Variants in NETO1 observed in about 807,000 individuals in gnomAD.
NETO1 encodes the protein neuropilin and tolloid-like protein 1.
Under a neutral mutation model 61.3 loss-of-function variants are expected in NETO1, and 26 were observed. That is an observed-to-expected ratio of 0.42 (90% CI 0.31 to 0.59). NETO1 has a LOEUF of 0.59. Ranked by LOEUF, NETO1 falls within the 20% of genes least tolerant of loss-of-function variation. The pLI, the probability that NETO1 is intolerant of heterozygous loss-of-function variation, is 0.12. For synonymous variants in NETO1, 225 were observed against 225.8 expected (o/e 1.00, Z 0.03); for missense variants, 531 against 662.8 (o/e 0.80, Z 2.18).
rs185771208 is a variant in NETO1, at chr18:72,865,307, C to G, written c.29-66G>C. 459 of 1,321,230 alleles carry G rather than the reference C, an allele frequency of 3.5e-4. 1 individual carries two copies. The highest frequency in any genetic ancestry group is 1.5e-3 in the Middle Eastern group (8 of 5,460). 81.8% of individuals were successfully genotyped at this position (1,321,230 alleles called of 1,614,324 possible). A position where few individuals can be genotyped will look rare whatever the true frequency, so the allele number is the denominator to read the frequency against. Reference sequence around the variant, plus strand: ...ATGATCAAATCCCATAAAAACATAACATAATTTCAAGATAAAATAATATCA... The same window carrying G: ...ATGATCAAATCCCATAAAAACATAAGATAATTTCAAGATAAAATAATATCA... On this transcript the variant is annotated intron_variant, in intron 1 of 10. Transcript: ENST00000327305.
At chr18:72,756,285 T>G (rs1267851319) in intron 7 of NETO1, 138 bp from the exon 8 acceptor site, 8 of 541,044 alleles carry the variant, frequency 1.5e-5, no homozygotes, top group Non-Finnish European at 2.0e-5. Flanking sequence ...CGTGCGATTT[T>G]CAGAAACGGT....
At chr18:72,826,382 A>T (rs1414540330) in intron 4 of NETO1, among the ~76,000 whole-genome samples, 1 of 152,010 alleles carries the variant, frequency 6.6e-6, no homozygotes, top group East Asian at 1.9e-4. Context: ...GTAGGTTTTA[A>T]TTTCAAATGT....
At chr18:72,825,515 AGTTTCTTT>A (rs2073346659) in intron 4 of NETO1, among the ~76,000 whole-genome samples, 1 of 151,540 alleles carries the variant, frequency 6.6e-6, no homozygotes. Context: ...ATTATTTCTT[AGTTTCTTT>A]GTTTTATTTC....
intron 7 of NETO1, among the ~76,000 whole-genome samples, chr18:72,768,622 C>T (rs1031552718): frequency 2.0e-5 from 3 of 151,958 alleles, no homozygotes; most frequent in Non-Finnish European, 4.4e-5. Context: ...CAGTTAAGCC[C>T]AATGCAATAA....
intron 10 of NETO1, 54 bp downstream of exon 10, chr18:72,748,960 G>T: frequency 1.8e-6 from 2 of 1,086,080 alleles, no homozygotes; most frequent in Non-Finnish European, 2.8e-6. Context: ...CAAGACAGTT[G>T]CAACAAAACA....
intron 4 of NETO1, among the ~76,000 whole-genome samples, chr18:72,829,817 G>A (rs1190920673): frequency 6.6e-6 from 1 of 152,148 alleles, no homozygotes; most frequent in Non-Finnish European, 1.5e-5. Context: ...AGCTGCTCTT[G>A]CTTTCCTGTT....
Position 72,867,373 on chromosome 18 carries a change from G to C in NETO1, c.-82C>G. 4.3e-6 allele frequency: 5 copies of C among 1,157,262 alleles called. No homozygotes were observed. The highest frequency in any genetic ancestry group is 6.0e-6 in the Non-Finnish European group (5 of 833,018). The allele number at this position is 1,157,262 out of a possible 1,614,324, so 71.7% of individuals were successfully genotyped here. On this transcript the variant is annotated 5_prime_UTR_variant, in exon 1 of 11. Transcript: ENST00000327305. ...GACTTCCAGTGGCGGGGGGAGGACAGGGTCGAGAGGTGTTAAAGACGCAAA... is the reference window on the plus strand; with the variant it reads ...GACTTCCAGTGGCGGGGGGAGGACACGGTCGAGAGGTGTTAAAGACGCAAA...
intron 1 of NETO1, chr18:72,865,584 G>A (rs2074710464): frequency 6.2e-7 from 1 of 1,607,172 alleles, no homozygotes; most frequent in Non-Finnish European, 8.5e-7. Context: ...CTTAGGGAAT[G>A]GCTCTGCCAG....
chr18:72,799,042 A>G (rs956798306), intron 4 of NETO1, among the ~76,000 whole-genome samples: 15 of 152,242 alleles, frequency 9.9e-5, no homozygotes, highest in Admixed American at 9.8e-4. Context: ...CCATCACTTC[A>G]TCAAATGTGT....
chr18:72,830,638 G>A lies in NETO1; in HGVS notation c.469+28188C>T, dbSNP rs2073545597. ...GGTGGGGAGGGGATGGATTTCTCCA[G>A]GTTACAGGCAAAGCATATGAAAATC... On this transcript the variant is annotated intron_variant, in intron 4 of 10. Coordinates refer to ENST00000327305, the MANE Select transcript of NETO1 (RefSeq NM_138966.5). This position sits in a 1 kb window ranked among gnomAD's most constrained non-coding sequence, Gnocchi z 4.9. Among the ~76,000 whole-genome samples, 1 of 152,084 alleles carries A rather than the reference G, an allele frequency of 6.6e-6. No homozygotes were observed. The highest frequency in any genetic ancestry group is 1.5e-5 in the Non-Finnish European group (1 of 68,022).
chr18:72,793,511 T>TA (rs1257257439), intron 6 of NETO1, among the ~76,000 whole-genome samples: 2 of 152,190 alleles, frequency 1.3e-5, no homozygotes, highest in Admixed American at 1.3e-4. Flanking sequence ...GTGATCAACA[T>TA]AAAATCTAGA....
chr18:72,748,777 T>C (rs963794742), intron 10 of NETO1, among the ~76,000 whole-genome samples: 2 of 152,228 alleles, frequency 1.3e-5, no homozygotes, highest in East Asian at 1.9e-4. Context: ...CCTTCTAAAT[T>C]ACATTTTAGT....
At position 72,864,890 on chromosome 18, in the gene NETO1, T is replaced by C. The variant is rs1377129387; in HGVS notation, c.138A>G (p.Lys46=). 3 of 1,613,880 alleles carry C rather than the reference T, an allele frequency of 1.9e-6. No individual in the cohort carries two copies. The highest frequency in any genetic ancestry group is 3.3e-5 in the Admixed American group (2 of 59,962). ...QKSVQCGTWT[K]HAEGGIFTSP... Reference sequence around the variant, plus strand: ...AGGTAAAGATACCTCCCTCTGCATGTTTTGTCCAAGTTCCACACTGCACTG... The same window carrying C: ...AGGTAAAGATACCTCCCTCTGCATGCTTTGTCCAAGTTCCACACTGCACTG... The change falls in exon 3 of 11, where the codon AAA becomes AAG. Residue 46 remains lysine (K), a synonymous_variant. Coordinates refer to ENST00000327305, the MANE Select transcript of NETO1 (RefSeq NM_138966.5).
chr18:72,859,019 C>T lies in NETO1; in HGVS notation c.276G>A (p.Pro92=), dbSNP rs767291829. The part of the protein sequence containing the change: ...LYFDEKYSIE[P]SWECKFDHIE... The stretch of plus-strand genomic sequence containing the variant: ...TATGATCAAATTTGCACTCCCAAGA[C>T]GGTTCAATAGAGTACTTTTCATCAA... Residue 92 remains proline, a synonymous_variant, in exon 4 of 11, where the codon CCG becomes CCA. Coordinates refer to ENST00000327305, the MANE Select transcript of NETO1 (RefSeq NM_138966.5). 2.0e-5 allele frequency: 33 copies of T among 1,613,580 alleles called. No homozygotes were observed. The Middle Eastern group carries it at 4.9e-4, about 24-fold the overall frequency.
rs1379158761 is a variant in NETO1 at position 72,867,986 on chromosome 18, C to G, written c.-695G>C. The G allele has an allele frequency of 6.8e-6, 1 of 146,584 alleles. No individual in the cohort carries two copies. The highest frequency in any genetic ancestry group is 1.5e-5 in the Non-Finnish European group (1 of 66,610). The allele number at this position is 146,584 out of a possible 1,614,324, so 9.1% of individuals were successfully genotyped here. A position where few individuals can be genotyped will look rare whatever the true frequency, so the allele number is the denominator to read the frequency against. ...GCTGCGCGCCACCTCTGCTATCTTG[C>G]GGAAAGAGGAGCGGGTGGGTGGGCG... On this transcript the variant is annotated 5_prime_UTR_variant, in exon 1 of 11. Coordinates refer to ENST00000327305, the MANE Select transcript of NETO1 (RefSeq NM_138966.5).
chr18:72,828,512 TC>T (rs2073465648), intron 4 of NETO1, among the ~76,000 whole-genome samples: 1 of 152,158 alleles, frequency 6.6e-6, no homozygotes, highest in East Asian at 1.9e-4. Context: ...ACAAAGATAT[TC>T]AAAGTGAAAT....
intron 4 of NETO1, among the ~76,000 whole-genome samples, chr18:72,814,836 T>C (rs2072980013): frequency 6.6e-6 from 1 of 151,998 alleles, no homozygotes; most frequent in African/African-American, 2.4e-5. Context: ...ATATACCTAA[T>C]AACATAGGTA....
intron 4 of NETO1, among the ~76,000 whole-genome samples, chr18:72,844,998 C>T (rs934136664): frequency 3.9e-5 from 6 of 152,328 alleles, no homozygotes; most frequent in African/African-American, 7.2e-5. Context: ...CCCCACATTA[C>T]GCACATGCCA....
rs551490405 is a variant in NETO1 at position 72,851,422 on chromosome 18, G to A, written c.469+7404C>T. 5.4e-3 allele frequency among the ~76,000 whole-genome samples: 750 copies of A among 139,958 alleles called. 8 individuals are homozygous for A. Among genetic ancestry groups the A allele is most frequent in the African/African-American group, 0.022 (702 of 31,874 alleles). 91.8% of individuals were successfully genotyped at this position (139,958 alleles called of 152,430 possible). ...GCGAAACTCCCTCAAAACAAAAAAA[G>A]AAAAAAGAAAGAAAGAAAACAAAAT... On this transcript the variant is annotated intron_variant, in intron 4 of 10. Coordinates refer to ENST00000327305, the MANE Select transcript of NETO1 (RefSeq NM_138966.5).
Sources: gnomAD v4.1 joint callset for allele counts (sites outside exome capture counted in the v4.1 genomes callset) on GRCh38, gnomAD v4.1.1 for gene constraint, Gnocchi (gnomAD v3.1) non-coding constraint, MANE v1.5 for transcripts, NCBI Gene and HGNC (gene_info 2026-07-23, HGNC 2026-07-21) for gene names.